The following PTPRT variants were observed in gnomAD, a reference collection of about 807,000 sequenced individuals.
PTPRT encodes protein tyrosine phosphatase receptor type T, also known as receptor-type tyrosine-protein phosphatase T.
A neutral mutation model predicts 176.8 loss-of-function variants in PTPRT; 56 were observed. The ratio of observed to expected loss-of-function variants is 0.32; its 90% CI spans 0.26 to 0.40. The LOEUF is 0.40. Ranked by LOEUF, PTPRT falls within the 10% of genes least tolerant of loss-of-function variation. The pLI, the probability that PTPRT is intolerant of heterozygous loss-of-function variation, is 1.00. For synonymous variants in PTPRT, 783 were observed against 739.0 expected (o/e 1.06, Z -0.96); for missense variants, 1,540 against 1,908.2 (o/e 0.81, Z 3.60).
At chr20:43,137,221 A>C (rs557524668) in intron 1 of PTPRT, among the ~76,000 whole-genome samples, 8 of 152,300 alleles carry the variant, frequency 5.3e-5, no homozygotes, top group Non-Finnish European at 1.2e-4. Flanking sequence ...GTAAGTGAGA[A>C]GCAATGCAGG....
intron 1 of PTPRT, among the ~76,000 whole-genome samples, chr20:42,993,050 C>T (rs1463947610): frequency 6.6e-6 from 1 of 152,118 alleles, no homozygotes; most frequent in African/African-American, 2.4e-5. Flanking sequence ...TTTATCAAGT[C>T]AGTCATGAGT....
chr20:42,379,469 C>A (rs1286164665), intron 9 of PTPRT, among the ~76,000 whole-genome samples: 2 of 152,208 alleles, frequency 1.3e-5, no homozygotes, highest in African/African-American at 2.4e-5. Flanking sequence ...GACCCTAGAA[C>A]AACCAGACTC....
intron 1 of PTPRT, among the ~76,000 whole-genome samples, chr20:42,922,701 C>T (rs1456877695): frequency 6.6e-6 from 1 of 152,200 alleles, no homozygotes; most frequent in Admixed American, 6.5e-5. Context: ...TGTGTTCCAT[C>T]TAGGATGATG....
intron 28 of PTPRT, 68 bp from the exon 29 acceptor site, chr20:42,084,913 C>A: frequency 1.6e-6 from 2 of 1,286,890 alleles, no homozygotes; most frequent in Non-Finnish European, 2.0e-6. Context: ...TTGCAGATAC[C>A]CCGGGGACTG....
In PTPRT at chr20:42,517,982, A is replaced by G. The variant is rs558338203; in HGVS notation, c.1154-45420T>C. Among the ~76,000 whole-genome samples the G allele has an allele frequency of 7.9e-5, 12 of 152,080 alleles. No individual in the cohort carries two copies. In the South Asian group the frequency reaches 2.5e-3, roughly 32 times the overall value. ...GTTCAAATCGTCATCCTGATAGTAT[A>G]TATTCTCCTGATTAAAATGTTACTT... On this transcript the variant is annotated intron_variant, in intron 7 of 30. Coordinates refer to ENST00000373187, the MANE Select transcript of PTPRT (RefSeq NM_007050.6).
chr20:42,086,582 A>G (rs1459847094), intron 27 of PTPRT, among the ~76,000 whole-genome samples: 1 of 151,116 alleles, frequency 6.6e-6, no homozygotes, highest in East Asian at 1.9e-4. Context: ...GCTCTTCCTC[A>G]TTCCAGGAAA....
intron 7 of PTPRT, among the ~76,000 whole-genome samples, chr20:42,649,431 A>G (rs1241480443): frequency 6.6e-6 from 1 of 152,162 alleles, no homozygotes; most frequent in Non-Finnish European, 1.5e-5. Context: ...AAACCATATC[A>G]CATGCCTTGA....
chr20:42,510,759 C>T (rs6102880), intron 7 of PTPRT, among the ~76,000 whole-genome samples: 41,968 of 151,976 alleles, frequency 0.28, 8,049 homozygotes, highest in African/African-American at 0.55. Flanking sequence ...CTCTATTCAT[C>T]GTGCAGAATA....
At chr20:42,735,072 T>C (rs1487842086) in intron 6 of PTPRT, among the ~76,000 whole-genome samples, 1 of 152,230 alleles carries the variant, frequency 6.6e-6, no homozygotes, top group African/African-American at 2.4e-5. Flanking sequence ...TAGTCATCTC[T>C]CAGAAAATGT....
rs994873588 is a variant in PTPRT, at chr20:42,315,172, G to A, written c.2139+551C>T. 4.0e-4 allele frequency among the ~76,000 whole-genome samples: 23 copies of A among 57,708 alleles called. 1 individual carries two copies. The highest frequency in any genetic ancestry group is 1.1e-3 in the Admixed American group (6 of 5,522). The allele number at this position is 57,708 out of a possible 152,430, so 37.9% of individuals were successfully genotyped here. On this transcript the variant is annotated intron_variant, in intron 12 of 30. Transcript: ENST00000373187. ...CGCAGTCCGGCCTGGGCGACAGAGC[G>A]AGGCTCCGTCTCAAAAAAAAAAAAA...
chr20:42,469,811 T>C (rs989694710), intron 8 of PTPRT, among the ~76,000 whole-genome samples: 1 of 141,724 alleles, frequency 7.1e-6, no homozygotes, highest in African/African-American at 2.6e-5. Flanking sequence ...TGTGTAAAAC[T>C]TCCAGATCTA....
chr20:42,321,217 A>G (rs149497580), intron 11 of PTPRT, among the ~76,000 whole-genome samples: 9 of 152,182 alleles, frequency 5.9e-5, no homozygotes, highest in African/African-American at 9.6e-5. Context: ...CAGAATCTCA[A>G]TGGAGGGTTG....
chr20:42,839,490 G>A (rs1213021589), intron 2 of PTPRT, among the ~76,000 whole-genome samples: 1 of 152,158 alleles, frequency 6.6e-6, no homozygotes, highest in African/African-American at 2.4e-5. Flanking sequence ...AGAAAGTGAG[G>A]ATTAAGAAAG....
At chr20:42,645,359 C>A (rs966801154) in intron 7 of PTPRT, among the ~76,000 whole-genome samples, 4 of 152,134 alleles carry the variant, frequency 2.6e-5, no homozygotes, top group African/African-American at 9.7e-5. Context: ...TGGATAAATA[C>A]CCTAACTTTC....
intron 24 of PTPRT, 65 bp from the exon 25 acceptor site, chr20:42,104,783 C>T: frequency 1.4e-6 from 2 of 1,466,306 alleles, no homozygotes; most frequent in South Asian, 2.4e-5. Context: ...ATTAGCTGTC[C>T]ACATTTAGTG....
At chr20:42,574,308 G>C (rs1377010022) in intron 7 of PTPRT, among the ~76,000 whole-genome samples, 1 of 152,114 alleles carries the variant, frequency 6.6e-6, no homozygotes, top group Non-Finnish European at 1.5e-5. Context: ...AATCAAAAGG[G>C]TATTGGAGAC....
intron 21 of PTPRT, among the ~76,000 whole-genome samples, chr20:42,118,119 T>C (rs747177356): frequency 2.6e-5 from 4 of 152,116 alleles, no homozygotes; most frequent in Non-Finnish European, 4.4e-5. Flanking sequence ...ACAAGTAGGA[T>C]TGTGGTGTGA....
intron 1 of PTPRT, among the ~76,000 whole-genome samples, chr20:42,965,654 G>T (rs1055246320): frequency 1.3e-5 from 2 of 152,088 alleles, no homozygotes; most frequent in Non-Finnish European, 2.9e-5. Flanking sequence ...TTCAGTACTT[G>T]CAAAAATATT....
rs59426868 is a variant in PTPRT, at chr20:42,618,436, T to C, written c.1153+59430A>G. 3.3e-3 allele frequency among the ~76,000 whole-genome samples: 445 copies of C among 134,840 alleles called. 36 individuals carry two copies. Among genetic ancestry groups the C allele is most frequent in the African/African-American group, 0.014 (416 of 29,862 alleles). The allele number at this position is 134,840 out of a possible 152,430, so 88.5% of individuals were successfully genotyped here. On this transcript the variant is annotated intron_variant, in intron 7 of 30. Coordinates refer to ENST00000373187, the MANE Select transcript of PTPRT (RefSeq NM_007050.6). ...TATTCTGTTGATTTGGGGTGGAGAG[T>C]TCTGTAGATGTCTATTAGGTCCGCT...
Sources: gnomAD v4.1 joint callset for allele counts (sites outside exome capture counted in the v4.1 genomes callset) on GRCh38, gnomAD v4.1.1 for gene constraint, MANE v1.5 for transcripts, NCBI Gene and HGNC (gene_info 2026-07-23, HGNC 2026-07-21) for gene names.